The following UGT1A8 variants were observed in gnomAD, a reference collection of about 807,000 sequenced individuals.
UGT1A8 encodes UDP glucuronosyltransferase family 1 member A8.
UGT1A8 carries 39 observed loss-of-function variants against 45.3 expected under a neutral mutation model. The observed-to-expected ratio is 0.86, with a 90% confidence interval of 0.67 to 1.12. The LOEUF is 1.12. Ranked by LOEUF, UGT1A8 falls within the 50% of genes most tolerant of loss-of-function variation. The pLI, the probability that UGT1A8 is intolerant of heterozygous loss-of-function variation, is 0.00. For missense variants in UGT1A8, 719 were observed against 664.9 expected (o/e 1.08, Z -0.90); for synonymous variants, 275 against 249.2 (o/e 1.10, Z -0.97).
chr2:233,729,614 A>G, intron 1 of UGT1A8: 1 of 1,614,008 alleles, frequency 6.2e-7, no homozygotes, highest in Non-Finnish European at 8.5e-7. Flanking sequence ...GTGCTGGCTA[A>G]GTACCTGTCG....
chr2:233,718,966 G>C (rs201968211), intron 1 of UGT1A8: 2 of 1,614,188 alleles, frequency 1.2e-6, no homozygotes, highest in South Asian at 2.2e-5. Flanking sequence ...GAGGCCTTGC[G>C]GGAGCTCCAT....
Position 233,772,517 on chromosome 2 carries a change from A to C in UGT1A8, c.1551A>C (p.Lys517Asn). Residue 517 changes from lysine to asparagine, a missense_variant, in exon 5 of 5, where the codon AAA (lysine) becomes AAC (asparagine). Coordinates refer to ENST00000373450, the MANE Select transcript of UGT1A8 (RefSeq NM_019076.5). Reference protein sequence around the residue: ...CAYGYRKCLGKKGRVKKAHKS... With the variant: ...CAYGYRKCLGNKGRVKKAHKS... ...ATGGCTACCGGAAATGCTTGGGGAA[A>C]AAAGGGCGAGTTAAGAAAGCCCACA... The C allele has an allele frequency of 6.2e-7, 1 of 1,614,222 alleles. No individual in the cohort carries two copies.
chr2:233,712,865 GGC>G, intron 1 of UGT1A8: 1 of 1,573,780 alleles, frequency 6.4e-7, no homozygotes, highest in Non-Finnish European at 8.6e-7. Flanking sequence ...ACTGGAGGAG[GGC>G]ACTCTGTCTT....
intron 1 of UGT1A8, chr2:233,712,956 G>A: frequency 1.2e-6 from 2 of 1,612,860 alleles, no homozygotes; most frequent in Non-Finnish European, 1.7e-6. Flanking sequence ...GGCACAACGT[G>A]GGGTGGACAG....
chr2:233,743,704 C>A (rs773531190), intron 1 of UGT1A8: 3 of 1,367,360 alleles, frequency 2.2e-6, no homozygotes, highest in Non-Finnish European at 2.9e-6. Context: ...CCTCCGCCCC[C>A]GCCTCGCCAT....
intron 1 of UGT1A8, among the ~76,000 whole-genome samples, chr2:233,728,671 C>T (rs1367179022): frequency 6.6e-6 from 1 of 152,178 alleles, no homozygotes; most frequent in Non-Finnish European, 1.5e-5. Flanking sequence ...GTTACTCATA[C>T]ATGAGAAGAA....
At chr2:233,735,393 C>T (rs948009314) in intron 1 of UGT1A8, among the ~76,000 whole-genome samples, 32 of 152,066 alleles carry the variant, frequency 2.1e-4, no homozygotes, top group Non-Finnish European at 3.5e-4. Flanking sequence ...TTATTTTGAG[C>T]CTATGTGTGT....
chr2:233,762,970 T>A (rs916138811), intron 1 of UGT1A8, among the ~76,000 whole-genome samples: 1 of 152,240 alleles, frequency 6.6e-6, no homozygotes, highest in South Asian at 2.1e-4. Context: ...GATGCCCGTC[T>A]TGCTGCTATT....
chr2:233,620,611 A>G (rs1031668293), intron 1 of UGT1A8, among the ~76,000 whole-genome samples: 3 of 152,216 alleles, frequency 2.0e-5, no homozygotes, highest in Non-Finnish European at 4.4e-5. Context: ...TATATCTATT[A>G]AAGAATATAT....
chr2:233,757,806 A>G (rs1052183239), intron 1 of UGT1A8, among the ~76,000 whole-genome samples: 1 of 151,788 alleles, frequency 6.6e-6, no homozygotes, highest in Non-Finnish European at 1.5e-5. Context: ...AGGAGATGAA[A>G]GGAGCTGGTA....
chr2:233,642,919 T>C (rs1360801939), intron 1 of UGT1A8, among the ~76,000 whole-genome samples: 2 of 152,172 alleles, frequency 1.3e-5, no homozygotes, highest in Non-Finnish European at 2.9e-5. Flanking sequence ...TCTCTCTCTG[T>C]TCTGAGCCAC....
intron 1 of UGT1A8, among the ~76,000 whole-genome samples, chr2:233,703,307 C>T (rs560128555): frequency 1.4e-5 from 2 of 148,024 alleles, no homozygotes; most frequent in East Asian, 4.1e-4. Flanking sequence ...TCTTTCATTT[C>T]ATATTTTTAG....
In UGT1A8 at chr2:233,693,744, A is replaced by G. The variant is rs533205358; in HGVS notation, c.856-73290A>G. ...AGAGATGTGGATATAATCACCTTAT[A>G]TCAGAAGGTCTCTGTTTGGCTGTTA... On this transcript the variant is annotated intron_variant, in intron 1 of 4. Transcript: ENST00000373450. 103 of 1,614,126 alleles carry G rather than the reference A, an allele frequency of 6.4e-5. No homozygotes were observed. The highest frequency in any genetic ancestry group is 7.9e-5 in the Non-Finnish European group (93 of 1,180,050).
At chr2:233,762,417 C>T (rs1698066612) in intron 1 of UGT1A8, among the ~76,000 whole-genome samples, 1 of 152,158 alleles carries the variant, frequency 6.6e-6, no homozygotes, top group Admixed American at 6.5e-5. Flanking sequence ...GCTTTTTCTA[C>T]AAAATAGAGT....
At position 233,754,406 on chromosome 2, in the gene UGT1A8, A is replaced by G. The variant is rs1695474785; in HGVS notation, c.856-12628A>G. The G allele has an allele frequency of 8.8e-6, 3 of 341,438 alleles. No individual in the cohort carries two copies. The Admixed American group carries it at 1.2e-4, about 14-fold the overall frequency. The allele number at this position is 341,438 out of a possible 1,614,324, so 21.2% of individuals were successfully genotyped here. A position where few individuals can be genotyped will look rare whatever the true frequency, so the allele number is the denominator to read the frequency against. ...ACAGAGGTCCTATCCGTGCAGTCCC[A>G]ACAATAAAGACAGGCATTGGCATAA... On this transcript the variant is annotated intron_variant, in intron 1 of 4. Transcript: ENST00000373450.
At chr2:233,744,355 C>G (rs563473520) in intron 1 of UGT1A8, among the ~76,000 whole-genome samples, 6 of 151,952 alleles carry the variant, frequency 3.9e-5, no homozygotes, top group African/African-American at 1.2e-4. Context: ...TGAAGACATC[C>G]TGTTGTTTAG....
intron 1 of UGT1A8, among the ~76,000 whole-genome samples, chr2:233,700,735 A>G (rs368539869): frequency 4.6e-5 from 7 of 151,920 alleles, no homozygotes; most frequent in African/African-American, 1.7e-4. Context: ...TTTTATTATT[A>G]TTATACTTTA....
At chr2:233,623,544 C>T (rs181027774) in intron 1 of UGT1A8, among the ~76,000 whole-genome samples, 5 of 151,956 alleles carry the variant, frequency 3.3e-5, no homozygotes, top group East Asian at 1.9e-4. Flanking sequence ...ATTCCATCAC[C>T]GAATACTTAA....
chr2:233,623,308 A>T (rs970805345), intron 1 of UGT1A8, among the ~76,000 whole-genome samples: 2 of 152,292 alleles, frequency 1.3e-5, no homozygotes. Context: ...TCTATAAATT[A>T]CCTTGGGCAG....
Sources: gnomAD v4.1 joint callset for allele counts (sites outside exome capture counted in the v4.1 genomes callset) on GRCh38, gnomAD v4.1.1 for gene constraint, MANE v1.5 for transcripts, NCBI Gene and HGNC (gene_info 2026-07-23, HGNC 2026-07-21) for gene names.